LRMDA: variants seen among roughly 807,000 people sequenced by gnomAD.
LRMDA encodes leucine-rich melanocyte differentiation-associated protein.
In LRMDA, 18 loss-of-function variants were observed where a neutral mutation model predicts 29.8. The observed-to-expected ratio is 0.60, with a 90% CI of 0.42 to 0.90. The LOEUF is 0.90. Among genes scored for constraint, LRMDA ranks in the 40% least tolerant of loss-of-function variants. The pLI, the probability that LRMDA is intolerant of heterozygous loss-of-function variation, is 0.00. For synonymous variants in LRMDA, 125 were observed against 109.4 expected (o/e 1.14, Z -0.89); for missense variants, 273 against 273.9 (o/e 1.00, Z 0.02).
intron 5 of LRMDA, among the ~76,000 whole-genome samples, chr10:76,138,626 T>A (rs1313654613): frequency 6.6e-6 from 1 of 152,144 alleles, no homozygotes; most frequent in African/African-American, 2.4e-5. Flanking sequence ...CAGTTTTCCA[T>A]AAGGAATTGA....
At chr10:76,168,813 G>A (rs1850785481) in intron 5 of LRMDA, among the ~76,000 whole-genome samples, 1 of 152,086 alleles carries the variant, frequency 6.6e-6, no homozygotes, top group Admixed American at 6.6e-5. Flanking sequence ...TTTGCTTTAT[G>A]TTCTTAAAAT....
intron 5 of LRMDA, among the ~76,000 whole-genome samples, chr10:76,116,880 T>C (rs1156938451): frequency 6.6e-6 from 1 of 152,132 alleles, no homozygotes; most frequent in Non-Finnish European, 1.5e-5. Flanking sequence ...ATTCCCGGGC[T>C]CTAATGGGGT....
chr10:76,007,009 TGTGTGTGTGTGTGTGTGTGTGTGCGC>T (rs1342768439), intron 2 of LRMDA, among the ~76,000 whole-genome samples: 1 of 110,532 alleles, frequency 9.0e-6, no homozygotes, highest in Non-Finnish European at 1.9e-5. Flanking sequence ...TGTGTGTGTG[TGTGTGTGTGTGTGTGTGTGTGTGCGC>T]GTGTGTGTTT....
intron 5 of LRMDA, among the ~76,000 whole-genome samples, chr10:76,085,776 T>C (rs897683167): frequency 2.6e-5 from 4 of 152,152 alleles, no homozygotes; most frequent in African/African-American, 9.7e-5. Context: ...TTTGTTTCCA[T>C]GTAAGCTAAA....
intron 2 of LRMDA, among the ~76,000 whole-genome samples, chr10:75,675,723 T>C (rs1841952015): frequency 6.6e-6 from 1 of 151,914 alleles, no homozygotes. Context: ...TTTTTTTGTT[T>C]GTTTGAAAAA....
intron 2 of LRMDA, among the ~76,000 whole-genome samples, chr10:75,988,394 G>T (rs895364985): frequency 6.6e-6 from 1 of 152,012 alleles, no homozygotes; most frequent in African/African-American, 2.4e-5. Context: ...TGTCCAGGTG[G>T]TTCCCCATTC....
Position 76,558,382 on chromosome 10 carries a change from G to A in LRMDA, c.*1094G>A, listed in dbSNP as rs1170775980. The A allele has an allele frequency of 6.6e-6, 1 of 152,192 alleles. No homozygotes were observed. Among genetic ancestry groups the A allele is most frequent in the Non-Finnish European group, 1.5e-5 (1 of 68,030 alleles). The allele number at this position is 152,192 out of a possible 1,614,324, so 9.4% of individuals were successfully genotyped here. A position where few individuals can be genotyped will look rare whatever the true frequency, so the allele number is the denominator to read the frequency against. On this transcript the variant is annotated 3_prime_UTR_variant, in exon 7 of 7. Transcript: ENST00000611255. ...GACCTCTCAGAAATCAAATCCACAG[G>A]TTGTGAGACAGTGCTCTGTCTTCCT...
chr10:75,561,155 A>T (rs1589184571), intron 2 of LRMDA, among the ~76,000 whole-genome samples: 1 of 151,556 alleles, frequency 6.6e-6, no homozygotes. Flanking sequence ...CTGTGAATCC[A>T]TCTGGTCCTG....
At chr10:76,166,598 C>G (rs532377471) in intron 5 of LRMDA, among the ~76,000 whole-genome samples, 3 of 152,258 alleles carry the variant, frequency 2.0e-5, no homozygotes, top group African/African-American at 7.2e-5. Flanking sequence ...TGTTAGTTTG[C>G]TAAGGATAAT....
At chr10:75,476,138 T>C (rs1351899781) in intron 2 of LRMDA, among the ~76,000 whole-genome samples, 1 of 152,250 alleles carries the variant, frequency 6.6e-6, no homozygotes, top group East Asian at 1.9e-4. Flanking sequence ...AGTGGTGTGA[T>C]CCAAGTCTTG....
intron 2 of LRMDA, among the ~76,000 whole-genome samples, chr10:75,463,362 C>G (rs905450748): frequency 4.6e-5 from 7 of 152,126 alleles, no homozygotes; most frequent in Non-Finnish European, 4.4e-5. Context: ...CTGCTTAGAC[C>G]TGACTTGAGC....
At chr10:76,238,489 T>G (rs566662310) in intron 5 of LRMDA, among the ~76,000 whole-genome samples, 1 of 136,120 alleles carries the variant, frequency 7.3e-6, no homozygotes, top group African/African-American at 2.7e-5. Context: ...CCCTCCCATC[T>G]TCTCTACCCA....
At chr10:75,872,810 C>T in intron 2 of LRMDA, among the ~76,000 whole-genome samples, 1 of 152,116 alleles carries the variant, frequency 6.6e-6, no homozygotes, top group East Asian at 1.9e-4. Context: ...TAAATCATCA[C>T]CTCTTCTGCA....
At chr10:75,505,881 G>A (rs1352155871) in intron 2 of LRMDA, among the ~76,000 whole-genome samples, 1 of 152,164 alleles carries the variant, frequency 6.6e-6, no homozygotes, top group Admixed American at 6.5e-5. Flanking sequence ...ACTATTGTGT[G>A]TCTCAGTTTC....
intron 6 of LRMDA, among the ~76,000 whole-genome samples, chr10:76,386,442 T>G (rs1489504913): frequency 6.6e-6 from 1 of 152,178 alleles, no homozygotes; most frequent in African/African-American, 2.4e-5. Context: ...TGGACTAAAA[T>G]GTGATAATAG....
chr10:75,594,752 A>G (rs1840765665), intron 2 of LRMDA, among the ~76,000 whole-genome samples: 1 of 152,212 alleles, frequency 6.6e-6, no homozygotes, highest in Admixed American at 6.5e-5. Flanking sequence ...CTGGAAGGCA[A>G]TAGTTAACAA....
intron 6 of LRMDA, among the ~76,000 whole-genome samples, chr10:76,474,562 A>G (rs1842648359): frequency 6.6e-6 from 1 of 151,746 alleles, no homozygotes; most frequent in Non-Finnish European, 1.5e-5. Context: ...AAAATGGTCA[A>G]AGGAATTGAA....
At chr10:75,988,482 G>A (rs1389842504) in intron 2 of LRMDA, among the ~76,000 whole-genome samples, 1 of 151,582 alleles carries the variant, frequency 6.6e-6, no homozygotes, top group Non-Finnish European at 1.5e-5. Flanking sequence ...TGCCTCTCTA[G>A]GCTTAATTTT....
intron 5 of LRMDA, among the ~76,000 whole-genome samples, chr10:76,232,672 C>T (rs1439120276): frequency 1.3e-5 from 2 of 152,200 alleles, no homozygotes; most frequent in African/African-American, 4.8e-5. Flanking sequence ...CTAAGTCTGG[C>T]TTACACACTG....
Sources: allele counts gnomAD v4.1 joint callset (sites outside exome capture counted in the v4.1 genomes callset), GRCh38; gene constraint gnomAD v4.1.1; transcripts MANE v1.5; gene names NCBI Gene and HGNC (gene_info 2026-07-23, HGNC 2026-07-21).